Variants in KIF21B observed in about 807,000 individuals in gnomAD.
KIF21B encodes the protein kinesin-like protein KIF21B.
Under a neutral mutation model 192.9 loss-of-function variants are expected in KIF21B, and 85 were observed. That is an observed-to-expected ratio of 0.44 (90% CI 0.37 to 0.53). KIF21B has a LOEUF of 0.53. KIF21B is among the 20% of genes least tolerant of loss of function. The probability of loss-of-function intolerance (pLI) is 0.00; values close to 1 mark genes in which losing one functional copy is unlikely to be tolerated. For synonymous variants in KIF21B, 832 were observed against 884.6 expected (o/e 0.94, Z 1.05); for missense variants, 1,716 against 2,194.8 (o/e 0.78, Z 4.36).
chr1:201,023,219 G>A lies in KIF21B; in HGVS notation c.41+124C>T, dbSNP rs1658959008. 3.4e-5 allele frequency: 27 copies of A among 789,168 alleles called. No homozygotes were observed. The South Asian group carries it at 5.6e-4, about 16-fold the overall frequency. 48.9% of individuals were successfully genotyped at this position (789,168 alleles called of 1,614,324 possible). ...CGCGGCGCCCTCCATCCCGTCCCAC[G>A]CCGGCCCCTCCTCCGGGAGTGCAGG... On this transcript the variant is annotated intron_variant, in intron 1 of 34. Transcript: ENST00000461742. This position sits in a 1 kb window ranked among gnomAD's most constrained non-coding sequence, Gnocchi z 5.9.
intron 21 of KIF21B, 28 bp from the exon 22 acceptor site, chr1:200,988,959 T>C: frequency 1.9e-6 from 3 of 1,590,266 alleles, no homozygotes; most frequent in Non-Finnish European, 2.6e-6. Context: ...AGCCTGGAGT[T>C]ACCCCTCCTG....
At position 200,975,466 on chromosome 1, in the gene KIF21B, G is replaced by T. The variant is rs373596214; in HGVS notation, c.4614+33C>A. On this transcript the variant is annotated intron_variant, in intron 33 of 34. Transcript: ENST00000461742. This position sits in a 1 kb window ranked among gnomAD's most constrained non-coding sequence, Gnocchi z 4.3. Reference sequence around the variant, plus strand: ...GTGGGCTATGGAAACCACCCTACCCGAGTCTACCCTCTCCCTTTCCTCCTG... The same window carrying T: ...GTGGGCTATGGAAACCACCCTACCCTAGTCTACCCTCTCCCTTTCCTCCTG... 6.3e-7 allele frequency: 1 copy of T among 1,584,084 alleles called. No individual in the cohort carries two copies. Among genetic ancestry groups the T allele is most frequent in the South Asian group, 1.1e-5 (1 of 88,114 alleles).
rs1167774403 is a variant in KIF21B, at chr1:200,982,975, A to C, written c.3842+81T>G. ...GCTGAGGACACGGGTGTCAGGCGGG[A>C]GGGATGCAGCAAGAGACAGAGAAGA... On this transcript the variant is annotated intron_variant, in intron 28 of 34. Coordinates refer to ENST00000461742, the MANE Select transcript of KIF21B (RefSeq NM_001252102.2). This position sits in a 1 kb window ranked among gnomAD's most constrained non-coding sequence, Gnocchi z 4.7. 3.1e-6 allele frequency: 4 copies of C among 1,295,870 alleles called. No homozygotes were observed. In the East Asian group the frequency reaches 1.0e-4, roughly 33 times the overall value. The allele number at this position is 1,295,870 out of a possible 1,614,324, so 80.3% of individuals were successfully genotyped here.
At chr1:201,010,383 C>T (rs1033182082) in intron 1 of KIF21B, among the ~76,000 whole-genome samples, 6 of 152,034 alleles carry the variant, frequency 3.9e-5, no homozygotes, top group African/African-American at 9.7e-5. Flanking sequence ...GGAAGAAAAG[C>T]GGCATCAGGA....
intron 33 of KIF21B, 25 bp from the exon 34 acceptor site, chr1:200,974,938 G>A (rs771194428): frequency 3.1e-6 from 5 of 1,609,076 alleles, no homozygotes; most frequent in Non-Finnish European, 4.2e-6. Context: ...GGGCTGGTGA[G>A]GGCTGGGGGA....
Position 200,984,950 on chromosome 1 carries a change from G to T in KIF21B, c.3712C>A (p.Pro1238Thr), listed in dbSNP as rs745682971. Residue 1238 changes from proline (P) to threonine (T), a missense_variant, in exon 27 of 35, where the codon CCC (proline) becomes ACC (threonine). By Grantham distance (38) the Pro-to-Thr change is conservative. Coordinates refer to ENST00000461742, the MANE Select transcript of KIF21B (RefSeq NM_001252102.2). ...GGCCGAGTGGGAGGGGATGATGGGG[G>T]TGTGAATCCCACATCTGTGGACCTG... is the stretch of plus-strand genomic sequence containing the variant. ...PIRSTDVGFT[P>T]PSSPPTRPRN... 1 of 1,607,512 alleles carries T rather than the reference G, an allele frequency of 6.2e-7. No homozygotes were observed. The highest frequency in any genetic ancestry group is 2.3e-5 in the East Asian group (1 of 44,062).
chr1:200,988,283 C>T lies in KIF21B; in HGVS notation c.3408+13G>A, dbSNP rs138469894. ...CCTGCTGCACCCACTGCCTGACTTC[C>T]GGCGGGGCTCACCTTGAACTTGAAA... On this transcript the variant is annotated intron_variant, in intron 24 of 34. Coordinates refer to ENST00000461742, the MANE Select transcript of KIF21B (RefSeq NM_001252102.2). 243 of 1,613,250 alleles carry T rather than the reference C, an allele frequency of 1.5e-4. No individual in the cohort carries two copies. The highest frequency in any genetic ancestry group is 1.9e-4 in the Non-Finnish European group (226 of 1,179,810).
chr1:201,014,414 C>A lies in KIF21B; in HGVS notation c.42-4926G>T, dbSNP rs184964219. 1.9e-3 allele frequency among the ~76,000 whole-genome samples: 287 copies of A among 152,294 alleles called. 6 individuals carry two copies. The highest frequency in any genetic ancestry group is 0.014 in the Admixed American group (209 of 15,308). ...TCGGCTCTTAGGGGAGCCAGGAGGA[C>A]AGGGCGGAAGGGGAGGACAGAGGAG... On this transcript the variant is annotated intron_variant, in intron 1 of 34. Coordinates refer to ENST00000461742, the MANE Select transcript of KIF21B (RefSeq NM_001252102.2).
intron 9 of KIF21B, 155 bp downstream of exon 9, chr1:201,002,006 A>AG: frequency 1.6e-6 from 1 of 633,576 alleles, no homozygotes; most frequent in Non-Finnish European, 2.8e-6. Context: ...GTGCCATACA[A>AG]AAATGTTTTA....
chr1:201,003,877 C>T (rs1487601028), intron 7 of KIF21B, 96 bp from the exon 8 acceptor site: 1 of 1,278,232 alleles, frequency 7.8e-7, no homozygotes, highest in Non-Finnish European at 1.1e-6. Flanking sequence ...TCCCATTCCC[C>T]CACTACCTTA....
Position 200,998,612 on chromosome 1 carries a change from G to A in KIF21B, c.1886-37C>T. The A allele has an allele frequency of 1.3e-6, 2 of 1,591,882 alleles. No individual in the cohort carries two copies. The highest frequency in any genetic ancestry group is 1.7e-4 in the Middle Eastern group (1 of 5,992). On this transcript the variant is annotated intron_variant, in intron 13 of 34. Transcript: ENST00000461742. This position sits in a 1 kb window ranked among gnomAD's most constrained non-coding sequence, Gnocchi z 4.3. Reference sequence around the variant, plus strand: ...CAATCAGGCTCAGCCCAGCGTTAGGGCGAGGGGCAAATTGGGGAGCAGATG... The same window carrying A: ...CAATCAGGCTCAGCCCAGCGTTAGGACGAGGGGCAAATTGGGGAGCAGATG...
chr1:201,019,060 G>A lies in KIF21B; in HGVS notation c.41+4283C>T, dbSNP rs181799378. ...AGTGATTCTCCTGTCTCAGCCTCCT[G>A]AGTAGCTGGGACTACAGGCATGCGC... On this transcript the variant is annotated intron_variant, in intron 1 of 34. Coordinates refer to ENST00000461742, the MANE Select transcript of KIF21B (RefSeq NM_001252102.2). Among the ~76,000 whole-genome samples the A allele has an allele frequency of 7.2e-5, 11 of 152,156 alleles. No individual in the cohort carries two copies. In the East Asian group the frequency reaches 1.9e-3, roughly 27 times the overall value.
intron 9 of KIF21B, chr1:201,001,911 A>T: frequency 1.9e-6 from 1 of 533,924 alleles, no homozygotes. Flanking sequence ...TGGAGGGTTC[A>T]GGGAGAGGCG....
At chr1:200,985,086 G>A (rs1656198787) in intron 26 of KIF21B, 114 bp from the exon 27 acceptor site, 3 of 614,224 alleles carry the variant, frequency 4.9e-6, no homozygotes, top group Admixed American at 3.8e-5. Context: ...AGGGTCTGCT[G>A]TGCAGTATTC....
At chr1:200,997,616 G>A (rs184195942) in intron 14 of KIF21B, among the ~76,000 whole-genome samples, 190 of 152,252 alleles carry the variant, frequency 1.2e-3, no homozygotes, top group Non-Finnish European at 2.2e-3. Flanking sequence ...GGTGGCGGGC[G>A]CTTGTAGTCC....
intron 24 of KIF21B, 29 bp downstream of exon 24, chr1:200,988,267 C>T (rs373715723): frequency 1.8e-4 from 287 of 1,608,804 alleles, no homozygotes; most frequent in Non-Finnish European, 2.1e-4. Context: ...CCCTGCTGCA[C>T]CCACTGCCTG....
At position 201,000,731 on chromosome 1, in the gene KIF21B, C is replaced by A. The variant is rs1333881054; in HGVS notation, c.1452G>T (p.Glu484Asp). 3 of 1,614,138 alleles carry A rather than the reference C, an allele frequency of 1.9e-6. No homozygotes were observed. The highest frequency in any genetic ancestry group is 2.5e-6 in the Non-Finnish European group (3 of 1,180,044). Residue 484 changes from glutamate (E) to aspartate (D), a missense_variant, in exon 10 of 35, where the codon GAG becomes GAT. Glu to Asp is a conservative substitution (Grantham distance 45, BLOSUM62 2). Transcript: ENST00000461742. This position sits in a 1 kb window ranked among gnomAD's most constrained non-coding sequence, Gnocchi z 6.0. Reference protein sequence around the residue: ...IGALIQNYIREIEELRTKLLE... With the variant: ...IGALIQNYIRDIEELRTKLLE... ...CACTCACTCACCGTAGCTCCTCGAT[C>A]TCCCGGATGTAGTTCTGGATCAGCG... is the stretch of plus-strand genomic sequence containing the variant.
chr1:201,002,071 C>T, intron 9 of KIF21B, 90 bp downstream of exon 9: 2 of 1,161,302 alleles, frequency 1.7e-6, no homozygotes, highest in Middle Eastern at 2.8e-4. Context: ...GACTGGCTGG[C>T]TTAGTCCACC....
chr1:201,000,638 G>C lies in KIF21B; in HGVS notation c.1467-30C>G, dbSNP rs6692235. 2 of 1,612,922 alleles carry C rather than the reference G, an allele frequency of 1.2e-6. No homozygotes were observed. The highest frequency in any genetic ancestry group is 2.2e-5 in the South Asian group (2 of 91,072). On this transcript the variant is annotated intron_variant, in intron 10 of 34. Transcript: ENST00000461742. This position sits in a 1 kb window ranked among gnomAD's most constrained non-coding sequence, Gnocchi z 6.0. Reference sequence around the variant, plus strand: ...ACAGGAAGAACGAGTGGACGGGGCCGAGTGAGCTGCCACAGCCCTTGGCGT... The same window carrying C: ...ACAGGAAGAACGAGTGGACGGGGCCCAGTGAGCTGCCACAGCCCTTGGCGT...
Sources: allele counts gnomAD v4.1 joint callset (sites outside exome capture counted in the v4.1 genomes callset), GRCh38; gene constraint gnomAD v4.1.1; non-coding constraint Gnocchi (gnomAD v3.1); transcripts MANE v1.5; gene names NCBI Gene and HGNC (gene_info 2026-07-23, HGNC 2026-07-21).